GRIK1: variants seen among roughly 807,000 people sequenced by gnomAD.
GRIK1 encodes glutamate receptor ionotropic, kainate 1.
GRIK1 carries 69 observed loss-of-function variants against 105.7 expected under a neutral mutation model. The ratio of observed to expected loss-of-function variants is 0.65; its 90% confidence interval spans 0.54 to 0.80. GRIK1 has a LOEUF of 0.80. GRIK1 is among the 30% of genes least tolerant of loss of function. The pLI is 0.00. For missense variants in GRIK1, 1,109 were observed against 1,167.3 expected (o/e 0.95, Z 0.73); for synonymous variants, 438 against 431.3 (o/e 1.02, Z -0.19).
At chr21:29,614,049 T>C (rs2061786591) in intron 7 of GRIK1, among the ~76,000 whole-genome samples, 1 of 152,220 alleles carries the variant, frequency 6.6e-6, no homozygotes, top group Non-Finnish European at 1.5e-5. Flanking sequence ...GGTCATTCTC[T>C]GGGGATTTAG....
chr21:29,818,301 C>T (rs543753655), intron 1 of GRIK1, among the ~76,000 whole-genome samples: 20 of 152,060 alleles, frequency 1.3e-4, no homozygotes, highest in Non-Finnish European at 2.8e-4. Flanking sequence ...TTAGGTGACT[C>T]AGACATATCA....
chr21:29,604,097 A>G (rs1376145119), intron 7 of GRIK1, among the ~76,000 whole-genome samples: 4 of 152,192 alleles, frequency 2.6e-5, no homozygotes, highest in African/African-American at 9.7e-5. Context: ...TCAGAAATCC[A>G]ATTTCATTCC....
At chr21:29,934,298 C>T (rs1312734402) in intron 1 of GRIK1, among the ~76,000 whole-genome samples, 1 of 152,244 alleles carries the variant, frequency 6.6e-6, no homozygotes, top group Middle Eastern at 3.4e-3. Context: ...AATTTAGTTA[C>T]CCTGGATAAC....
At chr21:29,866,921 C>G (rs1426654265) in intron 1 of GRIK1, among the ~76,000 whole-genome samples, 1 of 152,156 alleles carries the variant, frequency 6.6e-6, no homozygotes, top group Non-Finnish European at 1.5e-5. Context: ...TTGAGTCCTG[C>G]ACTCAGTTTG....
intron 1 of GRIK1, among the ~76,000 whole-genome samples, chr21:29,859,731 C>T (rs2068578655): frequency 6.6e-6 from 1 of 152,208 alleles, no homozygotes; most frequent in Non-Finnish European, 1.5e-5. Flanking sequence ...CTGATAAGCA[C>T]CACATTATTA....
chr21:29,740,888 T>C (rs1601575849), intron 1 of GRIK1, among the ~76,000 whole-genome samples: 1 of 152,280 alleles, frequency 6.6e-6, no homozygotes, highest in South Asian at 2.1e-4. Context: ...GGAAGGGCAA[T>C]TCACCAAGTA....
rs2068894629 is a variant in GRIK1 at position 29,868,260 on chromosome 21, C to T, written c.118+71123G>A. ...GATTTCTGAGGAATGTTGCTGACCACACAGATGATGACAACTGTATACCAG... is the reference window on the plus strand; with the variant it reads ...GATTTCTGAGGAATGTTGCTGACCATACAGATGATGACAACTGTATACCAG... On this transcript the variant is annotated intron_variant, in intron 1 of 17. Coordinates refer to ENST00000327783, the MANE Select transcript of GRIK1 (RefSeq NM_001330994.2). Among the ~76,000 whole-genome samples the T allele has an allele frequency of 2.6e-5, 4 of 152,306 alleles. No individual in the cohort carries two copies. The South Asian group carries it at 8.3e-4, about 32-fold the overall frequency.
chr21:29,933,947 G>T (rs2071658629), intron 1 of GRIK1, among the ~76,000 whole-genome samples: 1 of 108,646 alleles, frequency 9.2e-6, no homozygotes. Context: ...AAACAGAATT[G>T]AGATCTCCAC....
At chr21:29,752,984 C>G (rs1459455034) in intron 1 of GRIK1, among the ~76,000 whole-genome samples, 2 of 152,218 alleles carry the variant, frequency 1.3e-5, no homozygotes, top group Non-Finnish European at 2.9e-5. Context: ...ACAGGCTGCT[C>G]TAGTTCCTAT....
chr21:29,924,558 AT>A (rs1345549995), intron 1 of GRIK1, among the ~76,000 whole-genome samples: 1 of 152,116 alleles, frequency 6.6e-6, no homozygotes, highest in Non-Finnish European at 1.5e-5. Context: ...ATGCTCCTAT[AT>A]GAGGTCAATG....
chr21:29,924,751 C>T (rs559845434), intron 1 of GRIK1, among the ~76,000 whole-genome samples: 2 of 152,274 alleles, frequency 1.3e-5, no homozygotes, highest in African/African-American at 4.8e-5. Context: ...TGCTTCCAGG[C>T]GTCTCATCCT....
At chr21:29,842,211 T>A (rs553561644) in intron 1 of GRIK1, among the ~76,000 whole-genome samples, 62 of 151,968 alleles carry the variant, frequency 4.1e-4, no homozygotes, top group Admixed American at 7.9e-4. Flanking sequence ...GATTATGTAT[T>A]TTTTTTTGGT....
chr21:29,792,824 G>A (rs763725591), intron 1 of GRIK1, among the ~76,000 whole-genome samples: 12 of 152,112 alleles, frequency 7.9e-5, no homozygotes, highest in Non-Finnish European at 1.6e-4. Context: ...AACCTCATTA[G>A]CAGCTCTTAC....
At chr21:29,643,516 A>G (rs755580303) in intron 6 of GRIK1, among the ~76,000 whole-genome samples, 4 of 152,230 alleles carry the variant, frequency 2.6e-5, no homozygotes, top group Non-Finnish European at 5.9e-5. Context: ...CTCAACGGCA[A>G]GTTTTGGGAG....
chr21:29,554,486 A>T (rs964696169), intron 16 of GRIK1, among the ~76,000 whole-genome samples: 2 of 152,180 alleles, frequency 1.3e-5, no homozygotes, highest in Non-Finnish European at 2.9e-5. Flanking sequence ...AGAAAAATAA[A>T]GTCTCATATA....
intron 16 of GRIK1, among the ~76,000 whole-genome samples, chr21:29,548,184 C>T (rs2090076334): frequency 6.6e-6 from 1 of 152,140 alleles, no homozygotes; most frequent in Non-Finnish European, 1.5e-5. Flanking sequence ...AACATGGACA[C>T]ACATTGTTGT....
At chr21:29,845,218 C>T (rs2068081995) in intron 1 of GRIK1, among the ~76,000 whole-genome samples, 1 of 151,120 alleles carries the variant, frequency 6.6e-6, no homozygotes, top group Non-Finnish European at 1.5e-5. Context: ...TATTTTTTCT[C>T]CTTTATTTGT....
intron 1 of GRIK1, among the ~76,000 whole-genome samples, chr21:29,862,741 A>G (rs2068687090): frequency 6.6e-6 from 1 of 152,260 alleles, no homozygotes; most frequent in Admixed American, 6.5e-5. Flanking sequence ...AGTGAAACTA[A>G]GTCATATGCT....
chr21:29,692,311 G>A (rs1485417579), intron 2 of GRIK1, among the ~76,000 whole-genome samples: 2 of 152,198 alleles, frequency 1.3e-5, no homozygotes. Context: ...ATGTGTAGGA[G>A]TGTTAGTGTC....
Sources: gnomAD v4.1 joint callset for allele counts (sites outside exome capture counted in the v4.1 genomes callset) on GRCh38, gnomAD v4.1.1 for gene constraint, MANE v1.5 for transcripts, NCBI Gene and HGNC (gene_info 2026-07-23, HGNC 2026-07-21) for gene names.